DIAPH2: variants seen among roughly 807,000 people sequenced by gnomAD.
DIAPH2 encodes diaphanous related formin 2, also known as protein diaphanous homolog 2.
A neutral mutation model predicts 92.7 loss-of-function variants in DIAPH2; 35 were observed. That is an observed-to-expected ratio of 0.38 (90% CI 0.29 to 0.50). The LOEUF is 0.50. DIAPH2 is among the 20% of genes least tolerant of loss of function. DIAPH2 has a pLI of 0.94. For missense variants in DIAPH2, 701 were observed against 819.5 expected, an observed-to-expected ratio of 0.86 and a Z score of 1.77; for synonymous variants, 301 against 280.4, an observed-to-expected ratio of 1.07 and a Z score of -0.73.
chrX:96,995,439 G>A (rs1307485789), intron 17 of DIAPH2, among the ~76,000 whole-genome samples: 3 of 111,952 alleles, frequency 2.7e-5, no homozygotes, highest in Non-Finnish European at 5.6e-5. Flanking sequence ...AACTAGCAAA[G>A]CATATGATCT....
intron 4 of DIAPH2, among the ~76,000 whole-genome samples, chrX:96,762,347 C>A (rs183435577): frequency 9.0e-6 from 1 of 111,349 alleles, no homozygotes; most frequent in East Asian, 2.8e-4. Context: ...GAACTATTTC[C>A]TCCTTCTGAA....
chrX:96,790,140 G>A (rs756400981), intron 4 of DIAPH2, among the ~76,000 whole-genome samples: 1 of 108,813 alleles, frequency 9.2e-6, no homozygotes, highest in South Asian at 4.1e-4. Context: ...TGCGATCCCG[G>A]CTCACTGCAA....
At chrX:96,747,353 A>G (rs2064156943) in intron 3 of DIAPH2, among the ~76,000 whole-genome samples, 1 of 112,146 alleles carries the variant, frequency 8.9e-6, no homozygotes, top group African/African-American at 3.2e-5. Context: ...AGTTTGTCTT[A>G]TGCAAAAGAT....
intron 1 of DIAPH2, among the ~76,000 whole-genome samples, chrX:96,700,175 AT>A (rs2063847223): frequency 9.0e-6 from 1 of 111,139 alleles, no homozygotes; most frequent in South Asian, 3.8e-4. Flanking sequence ...TGCTCAGCTA[AT>A]TTTTGTATTT....
intron 4 of DIAPH2, among the ~76,000 whole-genome samples, chrX:96,793,406 T>G (rs2064515197): frequency 8.9e-6 from 1 of 112,669 alleles, no homozygotes; most frequent in Admixed American, 9.3e-5. Context: ...TGATCACAGG[T>G]GATCTGCCCA....
At chrX:96,945,228 A>G (rs752769499) in intron 13 of DIAPH2, among the ~76,000 whole-genome samples, 9 of 111,393 alleles carry the variant, frequency 8.1e-5, no homozygotes, top group Admixed American at 5.7e-4. Flanking sequence ...ATAATAAACC[A>G]TAGGATTCTG....
At chrX:96,763,929 G>A (rs940496278) in intron 4 of DIAPH2, among the ~76,000 whole-genome samples, 13 of 105,824 alleles carry the variant, frequency 1.2e-4, no homozygotes, top group African/African-American at 4.1e-4. Flanking sequence ...TGTTCATTTT[G>A]CTTTTAAAAA....
intron 22 of DIAPH2, among the ~76,000 whole-genome samples, chrX:97,165,044 T>C (rs2067401828): frequency 8.9e-6 from 1 of 112,736 alleles, no homozygotes; most frequent in Admixed American, 9.4e-5. Context: ...TTGTGCCAGG[T>C]ATTTTATAAA....
At chrX:97,477,010 C>T (rs1045456363) in intron 26 of DIAPH2, among the ~76,000 whole-genome samples, 6 of 95,069 alleles carry the variant, frequency 6.3e-5, no homozygotes, top group African/African-American at 2.4e-4. Flanking sequence ...CACACACACA[C>T]ACACACACAC....
chrX:97,431,049 C>T (rs745890335), intron 26 of DIAPH2, among the ~76,000 whole-genome samples: 9 of 111,945 alleles, frequency 8.0e-5, no homozygotes, highest in African/African-American at 2.9e-4. Flanking sequence ...GAATGGAAGT[C>T]TGTATTTATA....
chrX:97,456,341 C>A (rs1413701530), intron 26 of DIAPH2, among the ~76,000 whole-genome samples: 2 of 108,762 alleles, frequency 1.8e-5, no homozygotes, highest in Non-Finnish European at 3.8e-5. Flanking sequence ...GAGCCGAGAT[C>A]GCGCCGCTGC....
At chrX:97,447,873 C>G (rs898178525) in intron 26 of DIAPH2, among the ~76,000 whole-genome samples, 6 of 111,645 alleles carry the variant, frequency 5.4e-5, no homozygotes, top group Non-Finnish European at 9.4e-5. Flanking sequence ...CCAAAGCATG[C>G]CTGTTAGATG....
chrX:97,325,408 T>C (rs1177501962), intron 23 of DIAPH2, among the ~76,000 whole-genome samples: 1 of 111,568 alleles, frequency 9.0e-6, no homozygotes, highest in Non-Finnish European at 1.9e-5. Context: ...AATGGCTACA[T>C]TGAATATTAG....
intron 23 of DIAPH2, among the ~76,000 whole-genome samples, chrX:97,288,807 A>G (rs369225191): frequency 9.0e-6 from 1 of 110,501 alleles, no homozygotes; most frequent in Non-Finnish European, 1.9e-5. Flanking sequence ...AAGCCAGCCA[A>G]TTAGAACTGG....
chrX:96,874,205 C>T (rs1243197352), intron 4 of DIAPH2, among the ~76,000 whole-genome samples: 1 of 111,764 alleles, frequency 8.9e-6, no homozygotes, highest in Non-Finnish European at 1.9e-5. Flanking sequence ...TCCAAATTCA[C>T]ATACCCCCTA....
At chrX:96,897,919 C>T (rs1381767873) in intron 5 of DIAPH2, among the ~76,000 whole-genome samples, 4 of 76,372 alleles carry the variant, frequency 5.2e-5, no homozygotes, top group Non-Finnish European at 9.8e-5. Flanking sequence ...TGTTCCCCTT[C>T]CTGTGTCCAT....
At chrX:97,060,365 A>G (rs2066588863) in intron 17 of DIAPH2, among the ~76,000 whole-genome samples, 1 of 112,304 alleles carries the variant, frequency 8.9e-6, no homozygotes, top group Non-Finnish European at 1.9e-5. Context: ...TTACCTGGCT[A>G]TTATCTTCAA....
chrX:97,570,123 TTAGAAGA>T (rs1569426260), intron 26 of DIAPH2, among the ~76,000 whole-genome samples: 8 of 18,547 alleles, frequency 4.3e-4, no homozygotes, highest in African/African-American at 1.2e-3. Flanking sequence ...TATATATATA[TTAGAAGA>T]TAGATAGATA....
At chrX:97,384,530 T>C (rs891763699) in intron 25 of DIAPH2, among the ~76,000 whole-genome samples, 5 of 111,892 alleles carry the variant, frequency 4.5e-5, no homozygotes, top group African/African-American at 1.6e-4. Context: ...TGCACAGCTA[T>C]AAACCTAAGT....
Sources: allele counts gnomAD v4.1 joint callset (sites outside exome capture counted in the v4.1 genomes callset), GRCh38; gene constraint gnomAD v4.1.1; transcripts MANE v1.5; gene names NCBI Gene and HGNC (gene_info 2026-07-23, HGNC 2026-07-21).